The following GNA14 variants were observed in gnomAD, a reference collection of about 807,000 sequenced individuals.
GNA14 encodes G protein subunit alpha 14.
In GNA14, 50 loss-of-function variants were observed where a neutral mutation model predicts 42.0. That is an observed-to-expected ratio of 1.19 (90% CI 0.95 to 1.51). The LOEUF is 1.51. Ranked by LOEUF, GNA14 falls within the 40% of genes most tolerant of loss-of-function variation. GNA14 has a pLI of 0.00. For synonymous variants in GNA14, 173 were observed against 163.1 expected, an observed-to-expected ratio of 1.06 and a Z score of -0.46; for missense variants, 473 against 446.2, an observed-to-expected ratio of 1.06 and a Z score of -0.54.
At chr9:77,603,950 A>C (rs1211079088) in intron 1 of GNA14, among the ~76,000 whole-genome samples, 1 of 140,874 alleles carries the variant, frequency 7.1e-6, no homozygotes, top group Non-Finnish European at 1.5e-5. Context: ...TCTCAAAAAA[A>C]AAAAACAAAA....
chr9:77,459,103 G>C (rs1021102530), intron 2 of GNA14, among the ~76,000 whole-genome samples: 37 of 152,280 alleles, frequency 2.4e-4, no homozygotes, highest in African/African-American at 8.9e-4. Context: ...GGGTGTGGTG[G>C]CACGCGCCTG....
chr9:77,449,351 TAAATA>T (rs1249893403), intron 2 of GNA14, among the ~76,000 whole-genome samples: 2 of 152,224 alleles, frequency 1.3e-5, no homozygotes, highest in East Asian at 3.8e-4. Flanking sequence ...GTAGTAACAT[TAAATA>T]AAATGCCACC....
intron 2 of GNA14, among the ~76,000 whole-genome samples, chr9:77,471,868 A>C (rs774356785): frequency 1.3e-5 from 2 of 152,206 alleles, no homozygotes; most frequent in African/African-American, 2.4e-5. Context: ...GAAGGTACAC[A>C]CCCAGAACAT....
chr9:77,590,928 A>T (rs982016134), intron 1 of GNA14, among the ~76,000 whole-genome samples: 1 of 152,206 alleles, frequency 6.6e-6, no homozygotes, highest in Non-Finnish European at 1.5e-5. Context: ...CTATTACCAC[A>T]GGCCAGAGCA....
At chr9:77,433,597 A>C (rs1209030709) in intron 3 of GNA14, among the ~76,000 whole-genome samples, 1 of 152,096 alleles carries the variant, frequency 6.6e-6, no homozygotes, top group Non-Finnish European at 1.5e-5. Context: ...TCCTGGTTTC[A>C]AGCGATCCTC....
At chr9:77,597,557 A>G (rs1161302918) in intron 1 of GNA14, among the ~76,000 whole-genome samples, 1 of 151,852 alleles carries the variant, frequency 6.6e-6, no homozygotes, top group African/African-American at 2.4e-5. Context: ...AGCTTTTAAA[A>G]TATCGGTCTT....
At chr9:77,440,680 G>A (rs187755950) in intron 2 of GNA14, among the ~76,000 whole-genome samples, 2 of 152,070 alleles carry the variant, frequency 1.3e-5, no homozygotes, top group African/African-American at 4.8e-5. Flanking sequence ...TTTGTAGTGA[G>A]AACACTTAAA....
intron 1 of GNA14, among the ~76,000 whole-genome samples, chr9:77,570,488 A>G (rs1407126201): frequency 1.3e-5 from 2 of 152,188 alleles, no homozygotes; most frequent in African/African-American, 4.8e-5. Context: ...ATCATGCAAT[A>G]TATGTGTTTT....
intron 1 of GNA14, among the ~76,000 whole-genome samples, chr9:77,539,915 T>C (rs566622483): frequency 8.6e-5 from 13 of 151,764 alleles, no homozygotes; most frequent in African/African-American, 3.1e-4. Context: ...GTTTATCAAT[T>C]TTGTTTATCT....
intron 2 of GNA14, among the ~76,000 whole-genome samples, chr9:77,462,492 G>A (rs1025338958): frequency 4.6e-5 from 7 of 152,086 alleles, no homozygotes; most frequent in African/African-American, 1.7e-4. Flanking sequence ...AGGCTGAGGC[G>A]GGTGGACACG....
chr9:77,541,764 A>G (rs1424253879), intron 1 of GNA14, among the ~76,000 whole-genome samples: 2 of 151,986 alleles, frequency 1.3e-5, no homozygotes, highest in African/African-American at 4.8e-5. Context: ...GTCTGATTTG[A>G]TTACATTAAA....
At chr9:77,528,411 T>C (rs531012860) in intron 2 of GNA14, among the ~76,000 whole-genome samples, 2 of 152,282 alleles carry the variant, frequency 1.3e-5, no homozygotes, top group African/African-American at 2.4e-5. Flanking sequence ...CATTCCAATA[T>C]ACCATATAAA....
intron 1 of GNA14, among the ~76,000 whole-genome samples, chr9:77,629,926 A>C (rs1824070521): frequency 6.6e-6 from 1 of 152,220 alleles, no homozygotes; most frequent in African/African-American, 2.4e-5. Context: ...AACATGAGTC[A>C]GCACTGAATT....
At chr9:77,632,317 C>T (rs1409637716) in intron 1 of GNA14, among the ~76,000 whole-genome samples, 3 of 152,150 alleles carry the variant, frequency 2.0e-5, no homozygotes, top group Admixed American at 1.3e-4. Context: ...CAGACAGGCT[C>T]CTGGACAGGA....
At chr9:77,473,272 C>T (rs1221190433) in intron 2 of GNA14, among the ~76,000 whole-genome samples, 1 of 152,106 alleles carries the variant, frequency 6.6e-6, no homozygotes, top group Non-Finnish European at 1.5e-5. Flanking sequence ...GCCTGGGCAA[C>T]ATGGAAAAAA....
chr9:77,540,648 G>C (rs148706507), intron 1 of GNA14, among the ~76,000 whole-genome samples: 1 of 152,170 alleles, frequency 6.6e-6, no homozygotes, highest in African/African-American at 2.4e-5. Flanking sequence ...GAATCTGAGT[G>C]CTCCAGTTTT....
chr9:77,490,838 G>C (rs915321806), intron 2 of GNA14, among the ~76,000 whole-genome samples: 1 of 152,262 alleles, frequency 6.6e-6, no homozygotes, highest in Non-Finnish European at 1.5e-5. Flanking sequence ...CCACAGTGCA[G>C]TGGTGGGCTG....
At chr9:77,586,040 C>G (rs1823295561) in intron 1 of GNA14, among the ~76,000 whole-genome samples, 1 of 152,096 alleles carries the variant, frequency 6.6e-6, no homozygotes, top group Admixed American at 6.6e-5. Context: ...TTGTTCTGAC[C>G]TGAGTGTTCG....
At chr9:77,455,980 A>T (rs1475044613) in intron 2 of GNA14, among the ~76,000 whole-genome samples, 2 of 152,206 alleles carry the variant, frequency 1.3e-5, no homozygotes, top group African/African-American at 4.8e-5. Flanking sequence ...AGACAGTCTT[A>T]TAAGTAGCCT....
Sources: gnomAD v4.1 joint callset for allele counts (sites outside exome capture counted in the v4.1 genomes callset) on GRCh38, gnomAD v4.1.1 for gene constraint, MANE v1.5 for transcripts, NCBI Gene and HGNC (gene_info 2026-07-23, HGNC 2026-07-21) for gene names.